SCEL: variants seen among roughly 807,000 people sequenced by gnomAD.
The protein encoded by SCEL is sciellin.
SCEL carries 113 observed loss-of-function variants against 117.6 expected under a neutral mutation model. That is an observed-to-expected ratio of 0.96 (90% CI 0.83 to 1.12). The LOEUF is 1.12. Ranked by LOEUF, SCEL falls within the 50% of genes most tolerant of loss-of-function variation. The pLI is 0.00. For synonymous variants in SCEL, 270 were observed against 256.2 expected (o/e 1.05, Z -0.51); for missense variants, 785 against 810.8 (o/e 0.97, Z 0.39).
At chr13:77,620,239 G>GA (rs1033916704) in intron 27 of SCEL, among the ~76,000 whole-genome samples, 2 of 151,990 alleles carry the variant, frequency 1.3e-5, no homozygotes, top group African/African-American at 4.8e-5. Context: ...CCATCTATTT[G>GA]AAAAAAGTGA....
chr13:77,632,561 G>A (rs2090074964), intron 28 of SCEL, among the ~76,000 whole-genome samples: 1 of 152,196 alleles, frequency 6.6e-6, no homozygotes, highest in African/African-American at 2.4e-5. Flanking sequence ...GTATGCCAGA[G>A]ATAATATGTG....
intron 8 of SCEL, among the ~76,000 whole-genome samples, chr13:77,570,576 T>C (rs1487687035): frequency 6.6e-6 from 1 of 152,248 alleles, no homozygotes; most frequent in Non-Finnish European, 1.5e-5. Context: ...AGTTGAGTTC[T>C]GCAGCGGCTC....
Position 77,572,102 on chromosome 13 carries a change from T to A in SCEL, c.480-22T>A, listed in dbSNP as rs367635877. ...ATCAGCCTTTCAATCACAATGTTTA[T>A]TACCGTGTCATTTCTTAACAGGCAG... On this transcript the variant is annotated intron_variant, in intron 8 of 32. Coordinates refer to ENST00000349847, the MANE Select transcript of SCEL (RefSeq NM_144777.3). 1.6e-5 allele frequency: 26 copies of A among 1,604,706 alleles called. No homozygotes were observed. In the African/African-American group the frequency reaches 3.3e-4, roughly 21 times the overall value.
chr13:77,602,609 A>G (rs1406780159), intron 16 of SCEL, 45 bp from the exon 17 acceptor site: 1 of 1,532,672 alleles, frequency 6.5e-7, no homozygotes. Flanking sequence ...TTCAGAGAAA[A>G]TTGTACTGTA....
chr13:77,546,449 G>A (rs893203977), intron 1 of SCEL, among the ~76,000 whole-genome samples: 2 of 152,112 alleles, frequency 1.3e-5, no homozygotes, highest in Non-Finnish European at 1.5e-5. Context: ...TAATAGTACT[G>A]GCCTGGAAGG....
intron 5 of SCEL, among the ~76,000 whole-genome samples, chr13:77,565,097 A>G (rs557647035): frequency 4.6e-5 from 7 of 152,348 alleles, no homozygotes; most frequent in Admixed American, 3.3e-4. Context: ...AGTAAGGTGG[A>G]AAACCTAAGC....
At chr13:77,585,335 G>C (rs1389244995) in intron 9 of SCEL, among the ~76,000 whole-genome samples, 1 of 152,144 alleles carries the variant, frequency 6.6e-6, no homozygotes, top group Non-Finnish European at 1.5e-5. Context: ...CTAAACCAAA[G>C]TCTGAAGGGC....
intron 11 of SCEL, 54 bp from the exon 12 acceptor site, chr13:77,593,460 C>G (rs770880495): frequency 8.8e-5 from 122 of 1,393,532 alleles, no homozygotes; most frequent in Non-Finnish European, 1.2e-4. Flanking sequence ...ATTTTAGCTC[C>G]TTCAAAAATA....
intron 11 of SCEL, 99 bp downstream of exon 11, chr13:77,591,559 C>T (rs757478823): frequency 7.3e-5 from 51 of 698,912 alleles, no homozygotes; most frequent in Non-Finnish European, 1.2e-4. Flanking sequence ...ATAAGGTAGA[C>T]AAAATCAGTT....
At chr13:77,585,484 C>G (rs775803377) in intron 9 of SCEL, among the ~76,000 whole-genome samples, 7 of 152,196 alleles carry the variant, frequency 4.6e-5, no homozygotes, top group Non-Finnish European at 8.8e-5. Context: ...ACAACCACTA[C>G]AGCAAAAGAC....
chr13:77,593,747 G>T (rs958528625), intron 12 of SCEL, among the ~76,000 whole-genome samples, 174 bp downstream of exon 12: 1 of 152,074 alleles, frequency 6.6e-6, no homozygotes, highest in African/African-American at 2.4e-5. Context: ...ATAGTGGATG[G>T]TGCCAACATT....
chr13:77,610,652 T>C (rs2088589332), intron 22 of SCEL, among the ~76,000 whole-genome samples: 4 of 152,100 alleles, frequency 2.6e-5, no homozygotes, highest in Admixed American at 2.6e-4. Flanking sequence ...GAGGATTTCC[T>C]TAAAAATTAA....
chr13:77,598,607 A>G (rs2087415090), intron 13 of SCEL, among the ~76,000 whole-genome samples: 1 of 152,306 alleles, frequency 6.6e-6, no homozygotes, highest in East Asian at 1.9e-4. Flanking sequence ...GCTCCAGCTG[A>G]GGGTCTCCAC....
At chr13:77,635,221 T>G (rs1028131981) in intron 29 of SCEL, among the ~76,000 whole-genome samples, 2 of 152,220 alleles carry the variant, frequency 1.3e-5, no homozygotes, top group African/African-American at 4.8e-5. Flanking sequence ...TAATTTACCT[T>G]GTAAAATGCA....
At position 77,589,124 on chromosome 13, in the gene SCEL, T is replaced by C. The variant is rs973498374; in HGVS notation, c.546-20T>C. On this transcript the variant is annotated intron_variant, in intron 9 of 32. Transcript: ENST00000349847. Reference sequence around the variant, plus strand: ...ACCATGTTTCCATGGTGAAATGAACTGCTGTTTTCTGTTTTAAAGGGAACC... The same window carrying C: ...ACCATGTTTCCATGGTGAAATGAACCGCTGTTTTCTGTTTTAAAGGGAACC... 6.4e-7 allele frequency: 1 copy of C among 1,567,074 alleles called. No homozygotes were observed. Among genetic ancestry groups the C allele is most frequent in the African/African-American group, 1.4e-5 (1 of 73,788 alleles).
chr13:77,559,341 T>A (rs1482181263), intron 3 of SCEL, among the ~76,000 whole-genome samples: 2 of 152,238 alleles, frequency 1.3e-5, no homozygotes, highest in Non-Finnish European at 2.9e-5. Flanking sequence ...GTACTGAGTT[T>A]CCCACATTTT....
intron 23 of SCEL, 113 bp from the exon 24 acceptor site, chr13:77,613,780 C>T (rs2088837765): frequency 2.5e-6 from 2 of 814,270 alleles, no homozygotes; most frequent in South Asian, 3.0e-5. Context: ...AAATTGGAAA[C>T]TCAGTAAACT....
chr13:77,551,296 T>C (rs1312371177), intron 1 of SCEL, among the ~76,000 whole-genome samples: 1 of 152,202 alleles, frequency 6.6e-6, no homozygotes, highest in Non-Finnish European at 1.5e-5. Context: ...CTTTATTCTA[T>C]TAGCAATTGC....
At chr13:77,542,671 T>A (rs1295736842) in intron 1 of SCEL, among the ~76,000 whole-genome samples, 1 of 152,260 alleles carries the variant, frequency 6.6e-6, no homozygotes, top group Non-Finnish European at 1.5e-5. Context: ...TCTGAGAGAC[T>A]ATTTAAAAAT....
Sources: gnomAD v4.1 joint callset for allele counts (sites outside exome capture counted in the v4.1 genomes callset) on GRCh38, gnomAD v4.1.1 for gene constraint, MANE v1.5 for transcripts, NCBI Gene and HGNC (gene_info 2026-07-23, HGNC 2026-07-21) for gene names.